Variants in ERC1 observed in about 807,000 individuals in gnomAD.
ERC1 encodes the protein ELKS/RAB6-interacting/CAST family member 1.
A neutral mutation model predicts 132.0 loss-of-function variants in ERC1; 56 were observed. The ratio of observed to expected loss-of-function variants is 0.42; its 90% confidence interval spans 0.34 to 0.53. ERC1 has a LOEUF of 0.53. Ranked by LOEUF, ERC1 falls within the 20% of genes least tolerant of loss-of-function variation. The probability of loss-of-function intolerance (pLI) is 0.03; values close to 1 mark genes in which losing one functional copy is unlikely to be tolerated. For synonymous variants in ERC1, 478 were observed against 476.1 expected, an observed-to-expected ratio of 1.00 and a Z score of -0.05; for missense variants, 1,202 against 1,349.9, an observed-to-expected ratio of 0.89 and a Z score of 1.72.
chr12:1,171,103 T>A (rs966857378), intron 8 of ERC1, among the ~76,000 whole-genome samples: 3 of 152,212 alleles, frequency 2.0e-5, no homozygotes, highest in Non-Finnish European at 4.4e-5. Flanking sequence ...TGATCTGTAC[T>A]ATGAGAGAAC....
At chr12:1,379,112 C>G (rs2088301678) in intron 16 of ERC1, among the ~76,000 whole-genome samples, 1 of 152,086 alleles carries the variant, frequency 6.6e-6, no homozygotes, top group African/African-American at 2.4e-5. Context: ...TTTGTAAATT[C>G]CCATAAATAC....
chr12:1,111,890 G>A (rs1264486628), intron 5 of ERC1, among the ~76,000 whole-genome samples: 1 of 152,042 alleles, frequency 6.6e-6, no homozygotes. Context: ...ATAATCATAG[G>A]TGTGAGCTGC....
chr12:1,199,267 A>G (rs946474802), intron 12 of ERC1, among the ~76,000 whole-genome samples: 1 of 149,982 alleles, frequency 6.7e-6, no homozygotes, highest in Admixed American at 6.6e-5. Flanking sequence ...ACCAGGCCCC[A>G]CCTCCAACAC....
intron 17 of ERC1, among the ~76,000 whole-genome samples, chr12:1,424,866 A>C (rs1242477359): frequency 4.3e-4 from 47 of 108,462 alleles, no homozygotes; most frequent in African/African-American, 1.7e-3. Context: ...AGATAGATCG[A>C]TAGATAGATA....
chr12:1,047,014 G>A (rs762555456), intron 2 of ERC1, among the ~76,000 whole-genome samples: 5 of 152,160 alleles, frequency 3.3e-5, no homozygotes, highest in Admixed American at 2.0e-4. Context: ...GAAGAATTCA[G>A]CATTAATTAC....
intron 2 of ERC1, among the ~76,000 whole-genome samples, chr12:1,069,906 T>G (rs1940011314): frequency 6.6e-6 from 1 of 152,216 alleles, no homozygotes; most frequent in African/African-American, 2.4e-5. Context: ...GAACCCATAT[T>G]ATAAAGTTCA....
At chr12:1,123,384 A>C (rs1408980768) in intron 7 of ERC1, among the ~76,000 whole-genome samples, 7 of 152,188 alleles carry the variant, frequency 4.6e-5, no homozygotes, top group Non-Finnish European at 2.9e-5. Context: ...AATCATGGGA[A>C]AGTCAATAAA....
At chr12:1,409,137 T>C (rs1049381938) in intron 17 of ERC1, among the ~76,000 whole-genome samples, 10 of 152,236 alleles carry the variant, frequency 6.6e-5, no homozygotes, top group African/African-American at 2.4e-4. Context: ...GGTATTCAAA[T>C]TGCTGTTGCT....
chr12:1,243,517 A>T (rs1368129035), intron 13 of ERC1, among the ~76,000 whole-genome samples: 1 of 152,206 alleles, frequency 6.6e-6, no homozygotes, highest in Non-Finnish European at 1.5e-5. Flanking sequence ...AACGTGAGAG[A>T]TGCTATAATT....
chr12:1,219,425 G>A (rs1958748844), intron 12 of ERC1, among the ~76,000 whole-genome samples: 2 of 151,970 alleles, frequency 1.3e-5, no homozygotes, highest in South Asian at 4.1e-4. Context: ...AAATCACCAA[G>A]CAATCCTTGA....
intron 16 of ERC1, chr12:1,386,091 G>A (rs2089314388): frequency 7.1e-6 from 1 of 141,490 alleles, no homozygotes; most frequent in African/African-American, 2.6e-5. Flanking sequence ...CCAAGCTGGA[G>A]TGCAGTGGCA....
intron 15 of ERC1, among the ~76,000 whole-genome samples, chr12:1,322,847 T>C (rs1241052424): frequency 2.0e-5 from 3 of 152,162 alleles, no homozygotes; most frequent in Non-Finnish European, 4.4e-5. Context: ...ATATCCTTGA[T>C]TTTGCTGGAT....
At chr12:1,296,401 CTTTTTTTTTTTTT>C (rs57458560) in intron 15 of ERC1, among the ~76,000 whole-genome samples, 16 of 76,232 alleles carry the variant, frequency 2.1e-4, no homozygotes, top group South Asian at 5.5e-4. Flanking sequence ...ATTGGATAGT[CTTTTTTTTTTTTT>C]TTTTTTTTTT....
At chr12:1,135,779 C>T (rs1222754168) in intron 7 of ERC1, among the ~76,000 whole-genome samples, 1 of 152,126 alleles carries the variant, frequency 6.6e-6, no homozygotes, top group Non-Finnish European at 1.5e-5. Flanking sequence ...AGAGCAAGGT[C>T]CTGCTACACC....
intron 12 of ERC1, among the ~76,000 whole-genome samples, chr12:1,214,082 T>A (rs1438343814): frequency 6.6e-6 from 1 of 152,154 alleles, no homozygotes; most frequent in African/African-American, 2.4e-5. Context: ...GGTAATAGAA[T>A]CCTGGTAAGG....
At chr12:1,316,404 AC>A (rs2081728216) in intron 15 of ERC1, among the ~76,000 whole-genome samples, 1 of 152,146 alleles carries the variant, frequency 6.6e-6, no homozygotes. Flanking sequence ...GGCTCTGTTA[AC>A]CTGTTTAGTT....
At chr12:1,391,774 C>T (rs2089980667) in intron 16 of ERC1, among the ~76,000 whole-genome samples, 1 of 152,150 alleles carries the variant, frequency 6.6e-6, no homozygotes, top group South Asian at 2.1e-4. Flanking sequence ...GCTAGGCTGT[C>T]CCTTTCCTTT....
In ERC1 at chr12:1,380,149, C is replaced by T. The variant is rs576089783; in HGVS notation, c.2925+8172C>T. ...AGACAACAAAGCAGAACTTATTCATCGTTTCTTCCCCTCGTCAGCTCACTT... is the reference window on the plus strand; with the variant it reads ...AGACAACAAAGCAGAACTTATTCATTGTTTCTTCCCCTCGTCAGCTCACTT... On this transcript the variant is annotated intron_variant, in intron 16 of 18. Coordinates refer to ENST00000360905, the MANE Select transcript of ERC1 (RefSeq NM_178040.4). 8 of 152,350 alleles carry T rather than the reference C, an allele frequency of 5.3e-5. No individual in the cohort carries two copies. The East Asian group carries it at 1.2e-3, about 22-fold the overall frequency. The allele number at this position is 152,350 out of a possible 1,614,324, so 9.4% of individuals were successfully genotyped here.
intron 18 of ERC1, among the ~76,000 whole-genome samples, chr12:1,445,523 G>T (rs566161961): frequency 6.6e-6 from 1 of 152,020 alleles, no homozygotes; most frequent in Non-Finnish European, 1.5e-5. Flanking sequence ...GATTCACCGC[G>T]CCCGGCCAGT....
Sources: gnomAD v4.1 joint callset for allele counts (sites outside exome capture counted in the v4.1 genomes callset) on GRCh38, gnomAD v4.1.1 for gene constraint, MANE v1.5 for transcripts, NCBI Gene and HGNC (gene_info 2026-07-23, HGNC 2026-07-21) for gene names.